The following KCNQ1 variants were observed in gnomAD, a reference collection of about 807,000 sequenced individuals.
The protein encoded by KCNQ1 is potassium voltage-gated channel subfamily KQT member 1.
Under a neutral mutation model 72.4 loss-of-function variants are expected in KCNQ1, and 49 were observed. The observed-to-expected ratio is 0.68, with a 90% CI of 0.54 to 0.86. KCNQ1 has a LOEUF of 0.86. Among genes scored for constraint, KCNQ1 ranks in the 40% least tolerant of loss-of-function variants. KCNQ1 has a pLI of 0.00. For synonymous variants in KCNQ1, 450 were observed against 412.6 expected, an observed-to-expected ratio of 1.09 and a Z score of -1.10; for missense variants, 790 against 945.1, an observed-to-expected ratio of 0.84 and a Z score of 2.15.
chr11:2,810,538 C>T (rs1249228465), intron 15 of KCNQ1, among the ~76,000 whole-genome samples: 2 of 152,220 alleles, frequency 1.3e-5, no homozygotes, highest in African/African-American at 4.8e-5. Flanking sequence ...CCAGAGCACA[C>T]GCTTGCTCTC....
chr11:2,544,441 A>G lies in KCNQ1; in HGVS notation c.477+16423A>G, dbSNP rs1262647588. ...ATATATGGTTACATACCTAATATGTATATGGTTATATATCTCTTATAAGGG... is the reference window on the plus strand; with the variant it reads ...ATATATGGTTACATACCTAATATGTGTATGGTTATATATCTCTTATAAGGG... On this transcript the variant is annotated intron_variant, in intron 2 of 15. Transcript: ENST00000155840. The surrounding 1 kb of genome is among the most constrained non-coding windows in gnomAD (Gnocchi z 4.4). Among the ~76,000 whole-genome samples the G allele has an allele frequency of 1.3e-5, 2 of 151,324 alleles. No homozygotes were observed. The highest frequency in any genetic ancestry group is 2.4e-5 in the African/African-American group (1 of 41,198).
intron 10 of KCNQ1, chr11:2,637,491 G>A (rs1409136579): frequency 6.6e-6 from 1 of 152,236 alleles, no homozygotes. Flanking sequence ...TCGTTGAGCG[G>A]TTTTGAGTGA....
intron 15 of KCNQ1, among the ~76,000 whole-genome samples, chr11:2,795,033 C>A (rs1396230449): frequency 6.6e-6 from 1 of 152,174 alleles, no homozygotes; most frequent in Non-Finnish European, 1.5e-5. Flanking sequence ...CTCAGAGGGT[C>A]CTCTGCCTGT....
At chr11:2,718,478 G>A (rs1471861881) in intron 11 of KCNQ1, among the ~76,000 whole-genome samples, 1 of 152,240 alleles carries the variant, frequency 6.6e-6, no homozygotes, top group Non-Finnish European at 1.5e-5. Flanking sequence ...GCAGAGGGGA[G>A]GACAGGGATG....
At chr11:2,753,478 C>G (rs1338221924) in intron 11 of KCNQ1, among the ~76,000 whole-genome samples, 3 of 152,200 alleles carry the variant, frequency 2.0e-5, no homozygotes, top group Non-Finnish European at 4.4e-5. Context: ...TGTCTCAAAG[C>G]CTCCCTACCT....
In KCNQ1 at chr11:2,654,559, G is replaced by A. The variant is rs572667729; in HGVS notation, c.1394-7402G>A. On this transcript the variant is annotated intron_variant, in intron 10 of 15. Transcript: ENST00000155840. The surrounding 1 kb of genome is among the most constrained non-coding windows in gnomAD (Gnocchi z 6.4). ...TGGGTTACACCTGGGAGATTAGGCC[G>A]GATTTTAATCAATCAGGAGGGGAAG... 9.7e-4 allele frequency: 386 copies of A among 398,668 alleles called. 1 individual carries two copies. The highest frequency in any genetic ancestry group is 1.9e-3 in the Middle Eastern group (3 of 1,588). 24.7% of individuals were successfully genotyped at this position (398,668 alleles called of 1,614,324 possible). A position where few individuals can be genotyped will look rare whatever the true frequency, so the allele number is the denominator to read the frequency against.
At position 2,518,360 on chromosome 11, in the gene KCNQ1, C is replaced by T. The variant is rs924401732; in HGVS notation, c.387-9568C>T. ...GGGTCTTGTAACATGGGAGGGTAGA[C>T]GCTGCCTTGGGACAGGAGAGACAGA... is the stretch of plus-strand genomic sequence containing the variant. On this transcript the variant is annotated intron_variant, in intron 1 of 15. Coordinates refer to ENST00000155840, the MANE Select transcript of KCNQ1 (RefSeq NM_000218.3). Among the ~76,000 whole-genome samples the T allele has an allele frequency of 6.6e-5, 10 of 152,228 alleles. 1 individual carries two copies. In the South Asian group the frequency reaches 1.2e-3, roughly 19 times the overall value.
At position 2,599,683 on chromosome 11, in the gene KCNQ1, T is replaced by G. The variant is rs1049762744; in HGVS notation, c.1393+10829T>G. The stretch of plus-strand genomic sequence containing the variant: ...GCTGCTTTCCCTGAGGCCTCTTTCC[T>G]TGCCTTGCAGATGGCCGCCTTCTTC... On this transcript the variant is annotated intron_variant, in intron 10 of 15. Transcript: ENST00000155840. This position sits in a 1 kb window ranked among gnomAD's most constrained non-coding sequence, Gnocchi z 4.7. 2.0e-5 allele frequency among the ~76,000 whole-genome samples: 3 copies of G among 152,208 alleles called. No homozygotes were observed. Among genetic ancestry groups the G allele is most frequent in the Non-Finnish European group, 1.5e-5 (1 of 68,032 alleles).
chr11:2,760,814 G>A (rs573575832), intron 11 of KCNQ1, among the ~76,000 whole-genome samples: 6 of 152,314 alleles, frequency 3.9e-5, no homozygotes, highest in African/African-American at 1.2e-4. Flanking sequence ...GGTGTGGCTC[G>A]CTTCTTCAGT....
intron 15 of KCNQ1, among the ~76,000 whole-genome samples, chr11:2,844,505 G>A (rs1848279848): frequency 6.6e-6 from 1 of 152,206 alleles, no homozygotes; most frequent in South Asian, 2.1e-4. Flanking sequence ...GCTTCAGGGA[G>A]CCCTTCAGTG....
chr11:2,779,728 G>A (rs1208099640), intron 15 of KCNQ1, among the ~76,000 whole-genome samples: 1 of 152,226 alleles, frequency 6.6e-6, no homozygotes, highest in African/African-American at 2.4e-5. Context: ...GCCTCCTGAA[G>A]TGCAATGGCC....
At chr11:2,531,145 A>AGGCC (rs1481754804) in intron 2 of KCNQ1, among the ~76,000 whole-genome samples, 1 of 152,124 alleles carries the variant, frequency 6.6e-6, no homozygotes, top group Non-Finnish European at 1.5e-5. Context: ...GCCTGCACCC[A>AGGCC]GGCTGGACCT....
Position 2,627,657 on chromosome 11 carries a change from ATT to A in KCNQ1, c.1394-34303_1394-34302del, listed in dbSNP as rs1491581409. Reference sequence around the variant, plus strand: ...CTGCTTTTTAAAGGATGAATATTTCATTGTGTGTGTGTATATATGTGTGTGTG... The same window carrying A: ...CTGCTTTTTAAAGGATGAATATTTCAGTGTGTGTGTATATATGTGTGTGTG... On this transcript the variant is annotated intron_variant, in intron 10 of 15. Transcript: ENST00000155840. This position sits in a 1 kb window ranked among gnomAD's most constrained non-coding sequence, Gnocchi z 4.9. 1 of 398,126 alleles carries A rather than the reference ATT, an allele frequency of 2.5e-6. No individual in the cohort carries two copies. The highest frequency in any genetic ancestry group is 4.4e-6 in the Non-Finnish European group (1 of 225,978). 24.7% of individuals were successfully genotyped at this position (398,126 alleles called of 1,614,324 possible). A position where few individuals can be genotyped will look rare whatever the true frequency, so the allele number is the denominator to read the frequency against.
chr11:2,607,715 C>T (rs773534297), intron 10 of KCNQ1, among the ~76,000 whole-genome samples: 20 of 152,172 alleles, frequency 1.3e-4, no homozygotes, highest in Admixed American at 3.3e-4. Flanking sequence ...TGACAGAAAT[C>T]GTGGTGTTTT....
In KCNQ1 at chr11:2,494,736, G is replaced by A. The variant is rs1481293234; in HGVS notation, c.387-33192G>A. On this transcript the variant is annotated intron_variant, in intron 1 of 15. Transcript: ENST00000155840. This position sits in a 1 kb window ranked among gnomAD's most constrained non-coding sequence, Gnocchi z 4.6. Reference sequence around the variant, plus strand: ...GCTTTTTGATGTGCTGCTGGATTCAGTTTGCCAGTATTTTATTGAAGATTT... The same window carrying A: ...GCTTTTTGATGTGCTGCTGGATTCAATTTGCCAGTATTTTATTGAAGATTT... Among the ~76,000 whole-genome samples, 1 of 152,306 alleles carries A rather than the reference G, an allele frequency of 6.6e-6. No individual in the cohort carries two copies. The highest frequency in any genetic ancestry group is 1.9e-4 in the East Asian group (1 of 5,186).
rs117776752 is a variant in KCNQ1, at chr11:2,737,934, G to A, written c.1515-30910G>A. 1.1e-3 allele frequency among the ~76,000 whole-genome samples: 172 copies of A among 152,294 alleles called. 1 individual carries two copies. In the East Asian group the frequency reaches 0.032, roughly 28 times the overall value. ...CCTGCCCAGGGGAGGCACACCTGGG[G>A]GCACAGAATGACACTGGGTCCTCTC... On this transcript the variant is annotated intron_variant, in intron 11 of 15. Transcript: ENST00000155840.
Position 2,803,520 on chromosome 11 carries a change from C to T in KCNQ1, c.1794+25483C>T, listed in dbSNP as rs377536904. Among the ~76,000 whole-genome samples the T allele has an allele frequency of 2.1e-4, 32 of 152,240 alleles. No homozygotes were observed. Among genetic ancestry groups the T allele is most frequent in the African/African-American group, 7.2e-4 (30 of 41,538 alleles). On this transcript the variant is annotated intron_variant, in intron 15 of 15. Transcript: ENST00000155840. This position sits in a 1 kb window ranked among gnomAD's most constrained non-coding sequence, Gnocchi z 6.4. ...GCAGGAGCCAGTTGTTCCCAAACCT[C>T]GCCCTTTCTCCCTGCAGGCACTGGC...
At chr11:2,637,176 T>A (rs1214221046) in intron 10 of KCNQ1, 1 of 152,104 alleles carries the variant, frequency 6.6e-6, no homozygotes, top group African/African-American at 2.4e-5. Flanking sequence ...TGTGTCTCTA[T>A]CTCCTTCAAT....
chr11:2,759,565 A>T lies in KCNQ1; in HGVS notation c.1515-9279A>T, dbSNP rs1846357003. ...CACTGCGCGGGAGGGAGTTGCAAAGAGCGACACCCCAGCATGTGGGAAGGA... is the reference window on the plus strand; with the variant it reads ...CACTGCGCGGGAGGGAGTTGCAAAGTGCGACACCCCAGCATGTGGGAAGGA... On this transcript the variant is annotated intron_variant, in intron 11 of 15. Transcript: ENST00000155840. The surrounding 1 kb of genome is among the most constrained non-coding windows in gnomAD (Gnocchi z 4.4). Among the ~76,000 whole-genome samples, 1 of 152,180 alleles carries T rather than the reference A, an allele frequency of 6.6e-6. No homozygotes were observed. The highest frequency in any genetic ancestry group is 2.4e-5 in the African/African-American group (1 of 41,440).
Sources: allele counts gnomAD v4.1 joint callset (sites outside exome capture counted in the v4.1 genomes callset), GRCh38; gene constraint gnomAD v4.1.1; non-coding constraint Gnocchi (gnomAD v3.1); transcripts MANE v1.5; gene names NCBI Gene and HGNC (gene_info 2026-07-23, HGNC 2026-07-21).